Variants in CCDC7 observed in about 807,000 individuals in gnomAD.
CCDC7 encodes the protein coiled-coil domain containing 7.
A neutral mutation model predicts 196.9 loss-of-function variants in CCDC7; 183 were observed. That is an observed-to-expected ratio of 0.93 (90% CI 0.82 to 1.05). The LOEUF is 1.05. Ranked by LOEUF, CCDC7 falls within the 50% of genes least tolerant of loss-of-function variation. The probability of loss-of-function intolerance (pLI) is 0.00; values close to 1 mark genes in which losing one functional copy is unlikely to be tolerated. For synonymous variants in CCDC7, 525 were observed against 484.6 expected, an observed-to-expected ratio of 1.08 and a Z score of -1.10; for missense variants, 1,540 against 1,482.2, an observed-to-expected ratio of 1.04 and a Z score of -0.64.
chr10:32,857,934 A>G (rs1451678730), intron 41 of CCDC7, among the ~76,000 whole-genome samples: 1 of 152,070 alleles, frequency 6.6e-6, no homozygotes, highest in Non-Finnish European at 1.5e-5. Context: ...ATCAGAAATG[A>G]AAATGAAGAC....
chr10:32,624,722 G>A (rs571025294), intron 18 of CCDC7, among the ~76,000 whole-genome samples: 27 of 152,108 alleles, frequency 1.8e-4, no homozygotes, highest in African/African-American at 6.0e-4. Context: ...AATTTGTACA[G>A]CAGGTTTTAG....
At chr10:32,828,309 C>T (rs1409446657) in intron 32 of CCDC7, among the ~76,000 whole-genome samples, 1 of 151,828 alleles carries the variant, frequency 6.6e-6, no homozygotes, top group East Asian at 1.9e-4. Flanking sequence ...CTTGTGCATA[C>T]TTTCTCAAGA....
chr10:32,854,568 A>G lies in CCDC7; in HGVS notation c.4111+79A>G, dbSNP rs1484863470. 5 of 913,420 alleles carry G rather than the reference A, an allele frequency of 5.5e-6. No homozygotes were observed. The African/African-American group carries it at 8.6e-5, about 16-fold the overall frequency. 56.6% of individuals were successfully genotyped at this position (913,420 alleles called of 1,614,324 possible). A position where few individuals can be genotyped will look rare whatever the true frequency, so the allele number is the denominator to read the frequency against. On this transcript the variant is annotated intron_variant, in intron 41 of 41. Transcript: ENST00000639629. Reference sequence around the variant, plus strand: ...TCATCGTCTCTATTTACCAACCTCAAACCTCTGGGCTTCCTTCTTCAAACA... The same window carrying G: ...TCATCGTCTCTATTTACCAACCTCAGACCTCTGGGCTTCCTTCTTCAAACA...
upstream of CCDC7, among the ~76,000 whole-genome samples, chr10:32,446,949 C>CCTTCCCCTCTCCCCTT (rs1564594566): frequency 6.0e-5 from 1 of 16,612 alleles, no homozygotes. Context: ...TTCCCTTCCT[C>CCTTCCCCTCTCCCCTT]CCTCCCTCCC....
chr10:32,676,188 A>AAAGCTGAACCTGG (rs373621954), intron 21 of CCDC7, among the ~76,000 whole-genome samples: 1 of 35,496 alleles, frequency 2.8e-5, no homozygotes, highest in Non-Finnish European at 8.7e-5. Context: ...CCATATGTAG[A>AAAGCTGAACCTGG]ATCCCTTCCT....
chr10:32,528,366 T>C (rs112750707), intron 11 of CCDC7, among the ~76,000 whole-genome samples: 24 of 152,044 alleles, frequency 1.6e-4, no homozygotes, highest in African/African-American at 5.8e-4. Context: ...ACCCAAGCAG[T>C]GTACACTGTA....
chr10:32,465,511 C>T (rs895430035), intron 5 of CCDC7, among the ~76,000 whole-genome samples: 6 of 150,382 alleles, frequency 4.0e-5, no homozygotes, highest in African/African-American at 1.5e-4. Context: ...AAACACTAGT[C>T]CTTTGGCTTC....
intron 31 of CCDC7, among the ~76,000 whole-genome samples, chr10:32,816,280 G>T (rs1346508069): frequency 6.6e-6 from 1 of 152,196 alleles, no homozygotes; most frequent in African/African-American, 2.4e-5. Context: ...GTGGCAGCGA[G>T]GCTGGTGGAG....
At chr10:32,741,544 G>A (rs558457438) in intron 28 of CCDC7, among the ~76,000 whole-genome samples, 1 of 152,162 alleles carries the variant, frequency 6.6e-6, no homozygotes, top group Admixed American at 6.5e-5. Context: ...GTATATGTTG[G>A]GTTTTGCATC....
At chr10:32,828,391 AAAGAAG>A (rs1381517773) in intron 32 of CCDC7, among the ~76,000 whole-genome samples, 3 of 133,284 alleles carry the variant, frequency 2.3e-5, no homozygotes, top group East Asian at 2.5e-4. Flanking sequence ...ATAGTTTAAA[AAAGAAG>A]AAGAAGGAGA....
intron 29 of CCDC7, among the ~76,000 whole-genome samples, chr10:32,793,139 A>G (rs1031266501): frequency 6.6e-6 from 1 of 152,194 alleles, no homozygotes; most frequent in African/African-American, 2.4e-5. Context: ...TAGTCATGCA[A>G]TTCAGGGAAG....
Position 32,784,038 on chromosome 10 carries a change from G to T in CCDC7, c.3013+4954G>T, listed in dbSNP as rs1039891813. ...ATGGGTAGAGTTTGAGTTTAGAAAG[G>T]TGAAGACTTTCTGAAGATAGATGGT... On this transcript the variant is annotated intron_variant, in intron 29 of 41. Transcript: ENST00000639629. Among the ~76,000 whole-genome samples the T allele has an allele frequency of 2.0e-5, 3 of 152,188 alleles. No individual in the cohort carries two copies. The East Asian group carries it at 5.8e-4, about 29-fold the overall frequency.
intron 8 of CCDC7, among the ~76,000 whole-genome samples, chr10:32,489,654 C>T (rs1324457929): frequency 7.9e-5 from 12 of 152,122 alleles, no homozygotes; most frequent in Non-Finnish European, 1.8e-4. Flanking sequence ...CTCACTGTGG[C>T]AGTGGCTCAG....
intron 40 of CCDC7, among the ~76,000 whole-genome samples, chr10:32,852,483 AT>A (rs976926568): frequency 2.0e-5 from 3 of 151,952 alleles, no homozygotes; most frequent in Non-Finnish European, 2.9e-5. Flanking sequence ...TTGAGTTTGA[AT>A]TTTTTTTATT....
chr10:32,502,686 T>C (rs2044260280), intron 9 of CCDC7, among the ~76,000 whole-genome samples: 1 of 152,234 alleles, frequency 6.6e-6, no homozygotes, highest in East Asian at 1.9e-4. Context: ...TTTTTATTTC[T>C]GTGAAAAATG....
At chr10:32,619,424 G>A (rs1184761745) in intron 18 of CCDC7, among the ~76,000 whole-genome samples, 1 of 151,974 alleles carries the variant, frequency 6.6e-6, no homozygotes, top group Non-Finnish European at 1.5e-5. Flanking sequence ...AAATAGCATT[G>A]AAAATATAAT....
chr10:32,681,166 A>G (rs549497154), intron 21 of CCDC7, among the ~76,000 whole-genome samples: 17 of 152,280 alleles, frequency 1.1e-4, no homozygotes, highest in African/African-American at 4.1e-4. Context: ...TCTCTCAGCT[A>G]GTAAGTAATT....
intron 40 of CCDC7, among the ~76,000 whole-genome samples, chr10:32,852,594 C>T (rs2093605422): frequency 6.6e-6 from 1 of 152,074 alleles, no homozygotes; most frequent in East Asian, 1.9e-4. Flanking sequence ...CTGCCTTAGC[C>T]TCCTGAGAGT....
At chr10:32,700,719 C>G (rs1323225502) in intron 24 of CCDC7, among the ~76,000 whole-genome samples, 1 of 152,166 alleles carries the variant, frequency 6.6e-6, no homozygotes. Flanking sequence ...TTTATGTCCT[C>G]TTTTATTTCA....
Sources: allele counts gnomAD v4.1 joint callset (sites outside exome capture counted in the v4.1 genomes callset), GRCh38; gene constraint gnomAD v4.1.1; transcripts MANE v1.5; gene names NCBI Gene and HGNC (gene_info 2026-07-23, HGNC 2026-07-21).